Variants in FSTL4 observed in about 807,000 individuals in gnomAD.
The protein encoded by FSTL4 is follistatin-related protein 4.
A neutral mutation model predicts 78.2 loss-of-function variants in FSTL4; 28 were observed. The observed-to-expected ratio is 0.36, with a 90% confidence interval of 0.27 to 0.49. The LOEUF (loss-of-function observed/expected upper bound fraction) is 0.49, where lower values mean the gene tolerates loss of function less well. Ranked by LOEUF, FSTL4 falls within the 20% of genes least tolerant of loss-of-function variation. The pLI is 0.98. For missense variants in FSTL4, 922 were observed against 1,084.9 expected, an observed-to-expected ratio of 0.85 and a Z score of 2.11; for synonymous variants, 422 against 440.5, an observed-to-expected ratio of 0.96 and a Z score of 0.53.
intron 4 of FSTL4, among the ~76,000 whole-genome samples, chr5:133,336,846 A>C (rs1754474021): frequency 6.6e-6 from 1 of 152,058 alleles, no homozygotes; most frequent in South Asian, 2.1e-4. Context: ...GTAGCATCTA[A>C]TGCTTGAGGA....
intron 3 of FSTL4, among the ~76,000 whole-genome samples, chr5:133,497,287 G>A (rs1453634353): frequency 1.3e-5 from 2 of 152,222 alleles, no homozygotes; most frequent in Non-Finnish European, 2.9e-5. Context: ...AGGTGGCTGT[G>A]TGACCTTGAG....
chr5:133,582,634 A>C (rs1760441908), intron 2 of FSTL4, among the ~76,000 whole-genome samples: 1 of 152,166 alleles, frequency 6.6e-6, no homozygotes, highest in Admixed American at 6.5e-5. Flanking sequence ...GTACAGTGTC[A>C]ACCCATGGGC....
chr5:133,357,476 G>A (rs910457757), intron 4 of FSTL4, among the ~76,000 whole-genome samples: 1 of 152,182 alleles, frequency 6.6e-6, no homozygotes, highest in African/African-American at 2.4e-5. Flanking sequence ...CAGGGATTGG[G>A]AGCCAGGGAG....
chr5:133,645,335 A>G, the FSTL4 span, among the ~76,000 whole-genome samples: 2 of 152,156 alleles, frequency 1.3e-5, no homozygotes, highest in Non-Finnish European at 2.9e-5. Flanking sequence ...TGGTTCTAGG[A>G]TGGTGAGTGA....
chr5:133,238,276 T>G (rs1448411266), intron 7 of FSTL4, among the ~76,000 whole-genome samples: 1 of 152,176 alleles, frequency 6.6e-6, no homozygotes, highest in Non-Finnish European at 1.5e-5. Context: ...ATTCAGAGCT[T>G]TTCCGACATT....
chr5:133,565,176 C>T (rs1461445474), intron 3 of FSTL4, among the ~76,000 whole-genome samples: 9 of 152,168 alleles, frequency 5.9e-5, no homozygotes, highest in South Asian at 2.1e-4. Context: ...AGTCCGGGGT[C>T]GAGTCAGAGC....
chr5:133,814,701 G>A, the FSTL4 span, among the ~76,000 whole-genome samples: 1 of 152,200 alleles, frequency 6.6e-6, no homozygotes, highest in African/African-American at 2.4e-5. Context: ...TATGTTGAGA[G>A]CGGAAGTCTG....
chr5:133,413,147 C>T (rs1208732285), intron 3 of FSTL4, among the ~76,000 whole-genome samples: 3 of 152,018 alleles, frequency 2.0e-5, no homozygotes, highest in Admixed American at 1.3e-4. Context: ...AACACTTTAA[C>T]CCTCCCCATG....
intron 3 of FSTL4, among the ~76,000 whole-genome samples, chr5:133,425,918 A>T (rs115949143): frequency 5.9e-5 from 9 of 152,338 alleles, no homozygotes; most frequent in Non-Finnish European, 1.2e-4. Context: ...CATAGGATAA[A>T]GAGCCTGCAT....
chr5:133,296,911 C>T lies in FSTL4; in HGVS notation c.727+15743G>A, dbSNP rs559106038. On this transcript the variant is annotated intron_variant, in intron 6 of 15. Transcript: ENST00000265342. ...CGCACACTGCCTCCAGGGCTAAGCA[C>T]TTTTCACCTGCAGGCCTGCCTTGGG... Among the ~76,000 whole-genome samples, 5 of 152,310 alleles carry T rather than the reference C, an allele frequency of 3.3e-5. No homozygotes were observed. The South Asian group carries it at 1.0e-3, about 32-fold the overall frequency.
intron 8 of FSTL4, among the ~76,000 whole-genome samples, chr5:133,227,616 G>T (rs553734415): frequency 2.0e-5 from 3 of 152,262 alleles, no homozygotes; most frequent in African/African-American, 7.2e-5. Flanking sequence ...AGGACCTGGG[G>T]TTAATAAGCT....
the FSTL4 span, among the ~76,000 whole-genome samples, chr5:133,650,158 C>G: frequency 2.0e-5 from 3 of 152,120 alleles, no homozygotes; most frequent in African/African-American, 7.2e-5. Context: ...AGAGTGAGAA[C>G]TCACTTACCC....
intron 3 of FSTL4, among the ~76,000 whole-genome samples, chr5:133,535,473 C>T (rs1230513375): frequency 6.6e-6 from 1 of 152,244 alleles, no homozygotes; most frequent in African/African-American, 2.4e-5. Flanking sequence ...AGGGCATGTT[C>T]CTGCTGCAAT....
At chr5:133,502,812 T>G (rs1758527830) in intron 3 of FSTL4, among the ~76,000 whole-genome samples, 2 of 152,208 alleles carry the variant, frequency 1.3e-5, no homozygotes, top group African/African-American at 4.8e-5. Context: ...CTTTATAAAT[T>G]ACTCAGTCTC....
chr5:133,205,790 TCA>T, intron 14 of FSTL4, among the ~76,000 whole-genome samples: 1 of 152,092 alleles, frequency 6.6e-6, no homozygotes, highest in Non-Finnish European at 1.5e-5. Context: ...TTGTAATCAA[TCA>T]CTGAGCCCAT....
At chr5:133,446,115 C>A (rs1394751561) in intron 3 of FSTL4, among the ~76,000 whole-genome samples, 1 of 152,182 alleles carries the variant, frequency 6.6e-6, no homozygotes. Context: ...TATTTGGGGG[C>A]AGCCAGAGCT....
intron 6 of FSTL4, among the ~76,000 whole-genome samples, chr5:133,274,251 G>T (rs1333870766): frequency 6.6e-6 from 1 of 152,074 alleles, no homozygotes; most frequent in Non-Finnish European, 1.5e-5. Context: ...TGTCCTATTT[G>T]GGCCAGCAGA....
intron 4 of FSTL4, among the ~76,000 whole-genome samples, chr5:133,367,665 A>G (rs1324480405): frequency 6.6e-6 from 1 of 152,146 alleles, no homozygotes; most frequent in Non-Finnish European, 1.5e-5. Flanking sequence ...CCGCACCTCA[A>G]GGATGAAAGA....
At chr5:133,697,319 G>A in the FSTL4 span, among the ~76,000 whole-genome samples, 1 of 152,246 alleles carries the variant, frequency 6.6e-6, no homozygotes, top group Non-Finnish European at 1.5e-5. Context: ...ACACGGCCCT[G>A]CCCAATTCAG....
Sources: gnomAD v4.1 joint callset for allele counts (sites outside exome capture counted in the v4.1 genomes callset) on GRCh38, gnomAD v4.1.1 for gene constraint, MANE v1.5 for transcripts, NCBI Gene and HGNC (gene_info 2026-07-23, HGNC 2026-07-21) for gene names.